The following LRRC66 variants were observed in gnomAD, a reference collection of about 807,000 sequenced individuals.
The protein encoded by LRRC66 is leucine-rich repeat-containing protein 66.
Under a neutral mutation model 24.6 loss-of-function variants are expected in LRRC66, and 29 were observed. The observed-to-expected ratio is 1.18, with a 90% CI of 0.88 to 1.61. The LOEUF is 1.61. Among genes scored for constraint, LRRC66 ranks in the 40% most tolerant of loss-of-function variants. The pLI, the probability that LRRC66 is intolerant of heterozygous loss-of-function variation, is 0.00. For synonymous variants in LRRC66, 411 were observed against 397.6 expected, an observed-to-expected ratio of 1.03 and a Z score of -0.40; for missense variants, 1,124 against 1,058.0, an observed-to-expected ratio of 1.06 and a Z score of -0.87.
chr4:51,998,791 G>C (rs1039833829), intron 3 of LRRC66, among the ~76,000 whole-genome samples: 1 of 152,172 alleles, frequency 6.6e-6, no homozygotes, highest in South Asian at 2.1e-4. Flanking sequence ...GCCATTTGCC[G>C]AGCCCTGCTG....
At chr4:52,018,809 G>C (rs1422232884) in intron 1 of LRRC66, among the ~76,000 whole-genome samples, 1 of 152,198 alleles carries the variant, frequency 6.6e-6, no homozygotes, top group Non-Finnish European at 1.5e-5. Context: ...TGCAAAGAAT[G>C]ATCTATGCAT....
rs764054432 is a variant in LRRC66 at position 52,017,498 on chromosome 4, T to A, written c.116A>T (p.Asn39Ile). Residue 39 changes from asparagine to isoleucine, a missense_variant, in exon 2 of 5, where the codon AAT becomes ATT. Asn to Ile is a moderately radical substitution (Grantham distance 149, BLOSUM62 -3). Coordinates refer to ENST00000682860, the MANE Select transcript of LRRC66 (RefSeq NM_001024611.3). The stretch of plus-strand genomic sequence containing the variant: ...AGAACAATTTGTCAGAATATATTCA[T>A]TCCATTGGCATTCAGAATTGAATAA... ...NILFNSECQW[N>I]EYILTNCSFT... 1 of 1,613,918 alleles carries A rather than the reference T, an allele frequency of 6.2e-7. No individual in the cohort carries two copies. Among genetic ancestry groups the A allele is most frequent in the South Asian group, 1.1e-5 (1 of 91,062 alleles).
intron 2 of LRRC66, among the ~76,000 whole-genome samples, chr4:52,008,151 C>T (rs1736625756): frequency 6.6e-6 from 1 of 152,104 alleles, no homozygotes; most frequent in South Asian, 2.1e-4. Context: ...GTTTGATAGG[C>T]TAGATGGCTT....
At chr4:52,009,925 G>A (rs906518013) in intron 2 of LRRC66, among the ~76,000 whole-genome samples, 1 of 151,994 alleles carries the variant, frequency 6.6e-6, no homozygotes, top group African/African-American at 2.4e-5. Context: ...CATGAACATA[G>A]GTGTAAAATT....
At chr4:52,004,008 T>C (rs1234771014) in intron 2 of LRRC66, among the ~76,000 whole-genome samples, 1 of 152,200 alleles carries the variant, frequency 6.6e-6, no homozygotes, top group East Asian at 1.9e-4. Context: ...TTTCTTATTC[T>C]ATTTTTTTTT....
intron 3 of LRRC66, among the ~76,000 whole-genome samples, chr4:51,998,285 T>A (rs1229262537): frequency 6.6e-6 from 1 of 152,202 alleles, no homozygotes. Flanking sequence ...TAGATACTCA[T>A]GTTATCAAGG....
chr4:52,005,550 T>G (rs942727148), intron 2 of LRRC66, among the ~76,000 whole-genome samples: 2 of 150,728 alleles, frequency 1.3e-5, no homozygotes, highest in Non-Finnish European at 2.9e-5. Flanking sequence ...TCCATGCCAC[T>G]GTACTCCAGC....
chr4:52,009,577 A>C (rs906806253), intron 2 of LRRC66, among the ~76,000 whole-genome samples: 1 of 152,188 alleles, frequency 6.6e-6, no homozygotes, highest in African/African-American at 2.4e-5. Context: ...GAGTCTATAG[A>C]TACTAAAAGG....
chr4:51,994,248 A>G lies in LRRC66; in HGVS notation c.*131T>C, dbSNP rs950916916. On this transcript the variant is annotated 3_prime_UTR_variant, in exon 5 of 5. Transcript: ENST00000682860. ...GTGGGCCCACAAAACCCTCATTTGC[A>G]TCAGTGTCCACTTGGTTGGAATTCA... 25 of 852,846 alleles carry G rather than the reference A, an allele frequency of 2.9e-5. No individual in the cohort carries two copies. Among genetic ancestry groups the G allele is most frequent in the Non-Finnish European group, 1.8e-5 (10 of 567,934 alleles). The allele number at this position is 852,846 out of a possible 1,614,324, so 52.8% of individuals were successfully genotyped here.
In LRRC66 at chr4:52,003,366, T is replaced by G; in HGVS notation, c.523A>C (p.Ser175Arg). 6.2e-7 allele frequency: 1 copy of G among 1,612,410 alleles called. No homozygotes were observed. Among genetic ancestry groups the G allele is most frequent in the Non-Finnish European group, 8.5e-7 (1 of 1,179,516 alleles). The change falls in exon 3 of 5, where the codon AGT becomes CGT. Residue 175 changes from serine to arginine, a missense_variant. Physicochemically the swap from Ser to Arg is moderately radical, Grantham distance 110. Transcript: ENST00000682860. ...KGLWKLKSLQ[S>R]LDLSFNGILQ... ...ATCCCATTGAATGACAGATCCAAAC[T>G]CTGCAATGACTTCAGTTTCCACAGT...
chr4:51,994,730 C>G lies in LRRC66; in HGVS notation c.2292G>C (p.Gly764=). 6.2e-7 allele frequency: 1 copy of G among 1,614,154 alleles called. No individual in the cohort carries two copies. The highest frequency in any genetic ancestry group is 8.5e-7 in the Non-Finnish European group (1 of 1,180,026). The change falls in exon 5 of 5, where the codon GGG becomes GGC. Residue 764 remains glycine (G), a synonymous_variant. Transcript: ENST00000682860. ...EENVTFQTIP[G]KCKNQEDPFE... is the part of the protein sequence containing the mutation. The stretch of plus-strand genomic sequence containing the variant: ...AGGGATCTTCTTGATTCTTGCATTT[C>G]CCTGGAATTGTTTGGAAGGTAACAT...
intron 2 of LRRC66, among the ~76,000 whole-genome samples, chr4:52,009,669 G>T (rs1736655451): frequency 6.6e-6 from 1 of 152,038 alleles, no homozygotes; most frequent in African/African-American, 2.4e-5. Flanking sequence ...GAATAACCCT[G>T]CATCTATTAA....
intron 3 of LRRC66, among the ~76,000 whole-genome samples, chr4:51,998,483 A>T (rs927549971): frequency 2.0e-5 from 3 of 152,202 alleles, no homozygotes; most frequent in African/African-American, 7.2e-5. Flanking sequence ...TCCTGGGCTC[A>T]AGTAATCCTC....
rs752924856 is a variant in LRRC66 at position 51,995,798 on chromosome 4, C to CT, written c.1223dup (p.Cys409ValfsTer20). 33 of 1,614,082 alleles carry CT rather than the reference C, an allele frequency of 2.0e-5. No homozygotes were observed. The highest frequency in any genetic ancestry group is 1.1e-4 in the African/African-American group (8 of 75,010). ...CCAGGCCAGGGCTTTTGCTCTGGCA[C>CT]TTTTTTTGCCACAGTCTGTCAACAT... On this transcript the variant is annotated frameshift_variant, in exon 5 of 5. Coordinates refer to ENST00000682860, the MANE Select transcript of LRRC66 (RefSeq NM_001024611.3). LOFTEE classifies it low-confidence loss of function (END_TRUNC).
At chr4:52,010,936 A>T (rs1736687550) in intron 2 of LRRC66, among the ~76,000 whole-genome samples, 1 of 152,242 alleles carries the variant, frequency 6.6e-6, no homozygotes, top group South Asian at 2.1e-4. Flanking sequence ...AAGACGTTAG[A>T]CCAAAAATAA....
chr4:51,997,382 G>A (rs558251717), intron 4 of LRRC66, among the ~76,000 whole-genome samples: 22 of 152,264 alleles, frequency 1.4e-4, no homozygotes, highest in East Asian at 1.9e-4. Flanking sequence ...AAACTGTGAC[G>A]TTAAATTTTA....
intron 3 of LRRC66, among the ~76,000 whole-genome samples, chr4:52,002,805 A>C (rs1280377237): frequency 6.6e-6 from 1 of 152,218 alleles, no homozygotes; most frequent in Admixed American, 6.5e-5. Context: ...ACATCTTAGC[A>C]TCAGCCAGGG....
In LRRC66 at chr4:52,020,307, C is replaced by T. The variant is rs186519288; in HGVS notation, c.-9G>A. On this transcript the variant is annotated 5_prime_UTR_variant, in exon 1 of 5. Coordinates refer to ENST00000682860, the MANE Select transcript of LRRC66 (RefSeq NM_001024611.3). Reference sequence around the variant, plus strand: ...TAATAATGCCTCTAAGACATACCTTCGTATCCTAAGTGGTTATCAAATGGG... The same window carrying T: ...TAATAATGCCTCTAAGACATACCTTTGTATCCTAAGTGGTTATCAAATGGG... 1.6e-3 allele frequency among the ~76,000 whole-genome samples: 237 copies of T among 152,344 alleles called. 2 individuals are homozygous for T. The highest frequency in any genetic ancestry group is 5.6e-3 in the African/African-American group (232 of 41,582).
chr4:51,993,687 C>T lies in LRRC66; in HGVS notation c.*692G>A, dbSNP rs546641564. 2.6e-5 allele frequency: 4 copies of T among 152,226 alleles called. No individual in the cohort carries two copies. The highest frequency in any genetic ancestry group is 7.2e-5 in the African/African-American group (3 of 41,538). 9.4% of individuals were successfully genotyped at this position (152,226 alleles called of 1,614,324 possible). On this transcript the variant is annotated 3_prime_UTR_variant, in exon 5 of 5. Transcript: ENST00000682860. ...ATTTACACTTTATTCTAAAAAGTGG[C>T]CCCTCTTCTCTTTTAACATAACTTA...
Sources: allele counts gnomAD v4.1 joint callset (sites outside exome capture counted in the v4.1 genomes callset), GRCh38; gene constraint gnomAD v4.1.1; transcripts MANE v1.5; gene names NCBI Gene and HGNC (gene_info 2026-07-23, HGNC 2026-07-21).